NOTCH2: variants seen among roughly 807,000 people sequenced by gnomAD.
NOTCH2 encodes notch receptor 2, also known as neurogenic locus notch homolog protein 2.
A neutral mutation model predicts 235.8 loss-of-function variants in NOTCH2; 29 were observed. The observed-to-expected ratio is 0.12, with a 90% CI of 0.09 to 0.17. The LOEUF is 0.17. NOTCH2 is among the 10% of genes least tolerant of loss of function. NOTCH2 has a pLI of 1.00. For synonymous variants in NOTCH2, 1,086 were observed against 1,141.5 expected, an observed-to-expected ratio of 0.95 and a Z score of 0.98; for missense variants, 2,285 against 3,150.2, an observed-to-expected ratio of 0.73 and a Z score of 6.57.
chr1:119,950,334 A>G (rs1650422242), intron 15 of NOTCH2: 2 of 367,368 alleles, frequency 5.4e-6, no homozygotes, highest in Non-Finnish European at 1.1e-5. Flanking sequence ...TAAATAATCC[A>G]AAGTACAAAA....
Position 119,921,735 on chromosome 1 carries a change from C to T in NOTCH2, c.5288G>A (p.Gly1763Glu). Reference protein sequence around the residue: ...GTSEHWVDDEGPQPKKVKAED... With the variant: ...GTSEHWVDDEEPQPKKVKAED... Reference sequence around the variant, plus strand: ...CACCTTTACTTTCTTTGGCTGGGGCCCTTCATCATCGACCCAGTGTTCACT... The same window carrying T: ...CACCTTTACTTTCTTTGGCTGGGGCTCTTCATCATCGACCCAGTGTTCACT... The change falls in exon 29 of 34, where the codon GGG (glycine) becomes GAG (glutamate). Residue 1763 changes from glycine to glutamate, a missense_variant. By Grantham distance (98) the Gly-to-Glu change is moderately conservative. Transcript: ENST00000256646. 6.2e-7 allele frequency: 1 copy of T among 1,614,080 alleles called. No individual in the cohort carries two copies. Among genetic ancestry groups the T allele is most frequent in the Non-Finnish European group, 8.5e-7 (1 of 1,179,966 alleles).
In NOTCH2 at chr1:119,971,958, AGGTAATGAG is replaced by A. The variant is rs537916411; in HGVS notation, c.875-2223_875-2215del. On this transcript the variant is annotated intron_variant, in intron 5 of 33. Transcript: ENST00000256646. The stretch of plus-strand genomic sequence containing the variant: ...TGAGGGATGAGGGAGTGAATGGGGG[AGGTAATGAG>A]GGTAATGAGGGAAATGAGGGAGGAA... Among the ~76,000 whole-genome samples, 276 of 151,762 alleles carry A rather than the reference AGGTAATGAG, an allele frequency of 1.8e-3. 3 individuals are homozygous for A. The highest frequency in any genetic ancestry group is 6.1e-3 in the African/African-American group (254 of 41,344).
chr1:119,923,857 G>A lies in NOTCH2; in HGVS notation c.4639C>T (p.Leu1547=), dbSNP rs1241715192. 6.2e-7 allele frequency: 1 copy of A among 1,614,168 alleles called. No homozygotes were observed. Among genetic ancestry groups the A allele is most frequent in the Non-Finnish European group, 8.5e-7 (1 of 1,180,038 alleles). ...GGTGGCATCAATACCACAATAACCA[G>A]GGTACCTTCTGCCAGGTTCTCAGGT... ...DQPENLAEGT[L]VIVVLMPPEQ... The change falls in exon 26 of 34, where the codon CTG becomes TTG. Residue 1547 remains leucine (L), a synonymous_variant. Transcript: ENST00000256646.
chr1:119,990,512 AAC>A (rs1315961160), intron 4 of NOTCH2, among the ~76,000 whole-genome samples: 3 of 150,388 alleles, frequency 2.0e-5, no homozygotes, highest in African/African-American at 7.4e-5. Flanking sequence ...AAAAGCACTA[AAC>A]ACAGTGCCTT....
rs1436781070 is a variant in NOTCH2, at chr1:119,925,763, A to G, written c.4053T>C (p.Cys1351=). 11 of 1,614,026 alleles carry G rather than the reference A, an allele frequency of 6.8e-6. No homozygotes were observed. The highest frequency in any genetic ancestry group is 2.7e-5 in the African/African-American group (2 of 74,938). Residue 1351 remains cysteine, a synonymous_variant, in exon 25 of 34, where the codon TGT becomes TGC. Coordinates refer to ENST00000256646, the MANE Select transcript of NOTCH2 (RefSeq NM_024408.4). ...RCQSSCGQVK[C]RKGEQCVHTA... ...TGTGCACACACTGCTCCCCCTTCCT[A>G]CATTTCACTTGTCCACAGCTGCTCT...
chr1:119,960,018 T>C (rs1399556827), intron 11 of NOTCH2, among the ~76,000 whole-genome samples: 2 of 152,108 alleles, frequency 1.3e-5, no homozygotes, highest in African/African-American at 4.8e-5. Context: ...AGTATGAGAG[T>C]TGTCTCCAGG....
intron 11 of NOTCH2, among the ~76,000 whole-genome samples, chr1:119,962,627 G>C (rs1357026135): frequency 6.6e-6 from 1 of 152,060 alleles, no homozygotes; most frequent in Non-Finnish European, 1.5e-5. Context: ...AGAAAATGAG[G>C]GTAGCTAACT....
chr1:119,974,354 C>G (rs919330668), intron 5 of NOTCH2, among the ~76,000 whole-genome samples: 1 of 152,160 alleles, frequency 6.6e-6, no homozygotes, highest in Non-Finnish European at 1.5e-5. Context: ...AACATCAGGA[C>G]TGAGGCAGTG....
chr1:119,915,803 A>G lies in NOTCH2; in HGVS notation c.6919T>C (p.Phe2307Leu). The change falls in exon 34 of 34, where the codon TTC becomes CTC. Residue 2307 changes from phenylalanine to leucine, a missense_variant. Around this residue, in one of 6 missense-constraint regions of NOTCH2, gnomAD observed 504 missense variants for 538.0 expected, o/e 0.94. Transcript: ENST00000256646. ...ATACTGCCTTTAGGGATGAGCTGGAAAGTCACAATGGGGGGCAAGGGCTCC... is the reference window on the plus strand; with the variant it reads ...ATACTGCCTTTAGGGATGAGCTGGAGAGTCACAATGGGGGGCAAGGGCTCC... The part of the protein sequence containing the change: ...PREPLPPIVT[F>L]QLIPKGSIAQ... 1.2e-6 allele frequency: 2 copies of G among 1,612,894 alleles called. No individual in the cohort carries two copies. The highest frequency in any genetic ancestry group is 1.7e-6 in the Non-Finnish European group (2 of 1,179,104).
chr1:119,949,245 T>C lies in NOTCH2; in HGVS notation c.2480-119A>G, dbSNP rs1323807357. 9.7e-6 allele frequency: 10 copies of C among 1,030,302 alleles called. No individual in the cohort carries two copies. In the East Asian group the frequency reaches 2.0e-4, roughly 20 times the overall value. The allele number at this position is 1,030,302 out of a possible 1,614,324, so 63.8% of individuals were successfully genotyped here. A position where few individuals can be genotyped will look rare whatever the true frequency, so the allele number is the denominator to read the frequency against. ...AGTCCTGATTAAGAGGCTTTGAAAA[T>C]GGAGAAGCCCATGATCTTTCCAGCA... is the stretch of plus-strand genomic sequence containing the variant. On this transcript the variant is annotated intron_variant, in intron 15 of 33. Coordinates refer to ENST00000256646, the MANE Select transcript of NOTCH2 (RefSeq NM_024408.4).
At position 119,915,114 on chromosome 1, in the gene NOTCH2, A is replaced by C; in HGVS notation, c.*192T>G. The C allele has an allele frequency of 1.6e-6, 1 of 638,240 alleles. No homozygotes were observed. Among genetic ancestry groups the C allele is most frequent in the Non-Finnish European group, 2.8e-6 (1 of 360,962 alleles). The allele number at this position is 638,240 out of a possible 1,614,324, so 39.5% of individuals were successfully genotyped here. A position where few individuals can be genotyped will look rare whatever the true frequency, so the allele number is the denominator to read the frequency against. On this transcript the variant is annotated 3_prime_UTR_variant, in exon 34 of 34. Transcript: ENST00000256646. ...TTGTCTTATTAGATTAGAATAATCA[A>C]TAAGCCTTGCAGATACCCAGTGAAA... is the stretch of plus-strand genomic sequence containing the variant.
At chr1:119,984,034 G>C (rs958384824) in intron 5 of NOTCH2, among the ~76,000 whole-genome samples, 13 of 152,112 alleles carry the variant, frequency 8.5e-5, no homozygotes, top group Admixed American at 6.5e-5. Context: ...CAAGTCTACA[G>C]GTGGAAATTG....
chr1:119,968,291 C>A, intron 6 of NOTCH2, 59 bp from the exon 7 acceptor site: 1 of 1,550,366 alleles, frequency 6.5e-7, no homozygotes, highest in East Asian at 2.3e-5. Flanking sequence ...TGGGGAAGAG[C>A]TTTCTCTTTC....
rs758020757 is a variant in NOTCH2 at position 119,917,874 on chromosome 1, C to T, written c.5930-112G>A. On this transcript the variant is annotated intron_variant, in intron 32 of 33. Transcript: ENST00000256646. The stretch of plus-strand genomic sequence containing the variant: ...CCAGAGATCAGCAGGAAGCAGTTCT[C>T]TGTAGGGGTCTATAGGAAAAACCAA... 2.5e-5 allele frequency: 19 copies of T among 766,508 alleles called. 1 individual carries two copies. Among genetic ancestry groups the T allele is most frequent in the African/African-American group, 1.5e-4 (9 of 58,836 alleles). The allele number at this position is 766,508 out of a possible 1,614,324, so 47.5% of individuals were successfully genotyped here.
At chr1:119,944,186 C>CA in intron 17 of NOTCH2, among the ~76,000 whole-genome samples, 1 of 151,908 alleles carries the variant, frequency 6.6e-6, no homozygotes, top group Non-Finnish European at 1.5e-5. Flanking sequence ...AAATATTTTC[C>CA]AGACTTGGAC....
intron 10 of NOTCH2, among the ~76,000 whole-genome samples, chr1:119,964,167 A>T (rs1334424059): frequency 6.6e-6 from 1 of 152,138 alleles, no homozygotes; most frequent in East Asian, 1.9e-4. Context: ...CCCAAGTCCA[A>T]TATACAGGTT....
At chr1:119,969,390 G>A in intron 6 of NOTCH2, 121 bp downstream of exon 6, 1 of 851,004 alleles carries the variant, frequency 1.2e-6, no homozygotes, top group South Asian at 1.4e-5. Context: ...GAACAGTCCT[G>A]AGTGATATGT....
Position 119,914,989 on chromosome 1 carries a change from G to C in NOTCH2, c.*317C>G. 1 of 460,680 alleles carries C rather than the reference G, an allele frequency of 2.2e-6. No individual in the cohort carries two copies. Among genetic ancestry groups the C allele is most frequent in the South Asian group, 2.2e-5 (1 of 46,286 alleles). The allele number at this position is 460,680 out of a possible 1,614,324, so 28.5% of individuals were successfully genotyped here. ...CAGGGCTTAAAATGCAGTCCAAGCT[G>C]CAAGAATGTCTGGGCTTCAATAAGC... On this transcript the variant is annotated 3_prime_UTR_variant, in exon 34 of 34. Transcript: ENST00000256646.
At chr1:120,015,265 A>G (rs1408242533) in intron 2 of NOTCH2, among the ~76,000 whole-genome samples, 15 of 152,230 alleles carry the variant, frequency 9.9e-5, no homozygotes, top group Non-Finnish European at 1.9e-4. Flanking sequence ...TTCTTTGAAC[A>G]GAACTCTGCT....
Sources: allele counts gnomAD v4.1 joint callset (sites outside exome capture counted in the v4.1 genomes callset), GRCh38; gene constraint gnomAD v4.1.1; regional missense constraint gnomAD v4.1.1; transcripts MANE v1.5; gene names NCBI Gene and HGNC (gene_info 2026-07-23, HGNC 2026-07-21).